The following LOXHD1 variants were observed in gnomAD, a reference collection of about 807,000 sequenced individuals.
LOXHD1 encodes lipoxygenase homology domain-containing protein 1.
A neutral mutation model predicts 248.2 loss-of-function variants in LOXHD1; 205 were observed. The observed-to-expected ratio is 0.83, with a 90% CI of 0.74 to 0.93. The LOEUF is 0.93. Among genes scored for constraint, LOXHD1 ranks in the 40% least tolerant of loss-of-function variants. LOXHD1 has a pLI of 0.00. For synonymous variants in LOXHD1, 1,113 were observed against 1,162.8 expected (o/e 0.96, Z 0.87); for missense variants, 2,930 against 2,971.6 (o/e 0.99, Z 0.33).
chr18:46,553,163 C>G (rs2037177128), intron 21 of LOXHD1, among the ~76,000 whole-genome samples: 1 of 152,230 alleles, frequency 6.6e-6, no homozygotes, highest in African/African-American at 2.4e-5. Flanking sequence ...ATTCCTGCAG[C>G]CTTTCCCAGC....
Position 46,594,493 on chromosome 18 carries a change from C to T in LOXHD1, c.1135-27G>A, listed in dbSNP as rs534339962. 2.3e-5 allele frequency: 35 copies of T among 1,550,564 alleles called. No individual in the cohort carries two copies. In the Admixed American group the frequency reaches 2.7e-4, roughly 12 times the overall value. ...TGGGGAGAGTGGAGCACAGTGTCTC[C>T]GGCATTGAGTCTCCAGTAGGGTCCT... On this transcript the variant is annotated intron_variant, in intron 8 of 40. Transcript: ENST00000642948.
In LOXHD1 at chr18:46,557,481, G is replaced by T. The variant is rs1229456411; in HGVS notation, c.3225C>A (p.Thr1075=). 6.4e-7 allele frequency: 1 copy of T among 1,551,808 alleles called. No individual in the cohort carries two copies. The highest frequency in any genetic ancestry group is 1.4e-5 in the African/African-American group (1 of 73,034). ...SNKFEQGQTD[T]FTIYAIDLGA... Reference sequence around the variant, plus strand: ...CCAGGTCAATGGCATAGATGGTGAAGGTGTCTGTCTGGGAAGGGCCAGGGA... The same window carrying T: ...CCAGGTCAATGGCATAGATGGTGAATGTGTCTGTCTGGGAAGGGCCAGGGA... Residue 1075 remains threonine (T), a synonymous_variant, in exon 21 of 41, where the codon ACC becomes ACA. Coordinates refer to ENST00000642948, the MANE Select transcript of LOXHD1 (RefSeq NM_001384474.1).
At chr18:46,482,579 C>T (rs1568069551) in intron 40 of LOXHD1, among the ~76,000 whole-genome samples, 2 of 152,216 alleles carry the variant, frequency 1.3e-5, no homozygotes. Flanking sequence ...GAGGTCAGAA[C>T]CTCTTCTGCC....
chr18:46,615,391 C>T (rs1034964605), intron 5 of LOXHD1, among the ~76,000 whole-genome samples: 3 of 152,174 alleles, frequency 2.0e-5, no homozygotes, highest in African/African-American at 7.2e-5. Context: ...ACTGTGTCCT[C>T]TAGTTTCCCC....
In LOXHD1 at chr18:46,655,632, C is replaced by T. The variant is rs566599493; in HGVS notation, c.130+1272G>A. Among the ~76,000 whole-genome samples the T allele has an allele frequency of 7.9e-5, 12 of 152,292 alleles. No individual in the cohort carries two copies. In the East Asian group the frequency reaches 2.3e-3, roughly 29 times the overall value. On this transcript the variant is annotated intron_variant, in intron 1 of 40. Transcript: ENST00000642948. ...TGGGCCCACTTCCTCCTACTACAGCCCCCCCTTCTACCCTTGGAGGTACCC... is the reference window on the plus strand; with the variant it reads ...TGGGCCCACTTCCTCCTACTACAGCTCCCCCTTCTACCCTTGGAGGTACCC...
In LOXHD1 at chr18:46,477,778, GGCATCAGT is replaced by G. The variant is rs1568061304; in HGVS notation, c.6508_6515del (p.Thr2170GlnfsTer43). ...CCCCAAAGATGGTCACGAAGACGTT[GGCATCAGT>G]GCCTGCCCCTGGCTCATAGCCTGTT... On this transcript the variant is annotated frameshift_variant, in exon 41 of 41. Transcript: ENST00000642948. LOFTEE classifies it high-confidence loss of function. 6.4e-7 allele frequency: 1 copy of G among 1,551,880 alleles called. No homozygotes were observed. Among genetic ancestry groups the G allele is most frequent in the Admixed American group, 2.0e-5 (1 of 51,016 alleles).
At chr18:46,488,889 A>C (rs2033258423) in intron 38 of LOXHD1, 83 bp downstream of exon 38, 3 of 1,440,722 alleles carry the variant, frequency 2.1e-6, no homozygotes, top group Non-Finnish European at 1.9e-6. Context: ...CTGGCACCTG[A>C]CCCCCCTCCA....
rs915005578 is a variant in LOXHD1 at position 46,488,996 on chromosome 18, T to A, written c.6025A>T (p.Ile2009Phe). 7 of 1,551,496 alleles carry A rather than the reference T, an allele frequency of 4.5e-6. No homozygotes were observed. Among genetic ancestry groups the A allele is most frequent in the African/African-American group, 1.4e-5 (1 of 73,012 alleles). Residue 2009 changes from isoleucine (I) to phenylalanine (F), a missense_variant, in exon 38 of 41, where the codon ATC becomes TTC. Transcript: ENST00000642948. ...CTGGTCTCTTCCAGCTCATCACAGATCTTGTTGTTGGCACAGGCAAAGTCG... is the reference window on the plus strand; with the variant it reads ...CTGGTCTCTTCCAGCTCATCACAGAACTTGTTGTTGGCACAGGCAAAGTCG... ...VRDFACANNK[I>F]CDELEETTYE...
intron 38 of LOXHD1, among the ~76,000 whole-genome samples, chr18:46,485,996 G>A (rs11082529): frequency 0.26 from 38,639 of 151,492 alleles, 5,541 homozygotes; most frequent in Non-Finnish European, 0.33. Context: ...CCATAGTGGC[G>A]TGGCTCACTG....
At chr18:46,617,808 T>C (rs1459374453) in intron 5 of LOXHD1, among the ~76,000 whole-genome samples, 1 of 152,160 alleles carries the variant, frequency 6.6e-6, no homozygotes, top group African/African-American at 2.4e-5. Context: ...AACTACTGCA[T>C]TGAATCAGGC....
Position 46,509,822 on chromosome 18 carries a change from G to C in LOXHD1, c.5400-7C>G, listed in dbSNP as rs376131738. ...GTTCTGCTCCCGCTCAAACCTGGGG[G>C]TGGAGAGGAGGGGCATGAAGAAGGG... On this transcript the variant is annotated splice_polypyrimidine_tract_variant and splice_region_variant and intron_variant, in intron 34 of 40. Coordinates refer to ENST00000642948, the MANE Select transcript of LOXHD1 (RefSeq NM_001384474.1). 13 of 1,531,504 alleles carry C rather than the reference G, an allele frequency of 8.5e-6. No homozygotes were observed. The African/African-American group carries it at 1.4e-4, about 16-fold the overall frequency. 94.9% of individuals were successfully genotyped at this position (1,531,504 alleles called of 1,614,324 possible). A position where few individuals can be genotyped will look rare whatever the true frequency, so the allele number is the denominator to read the frequency against.
intron 29 of LOXHD1, among the ~76,000 whole-genome samples, chr18:46,526,991 T>C (rs2035856639): frequency 6.6e-6 from 1 of 152,164 alleles, no homozygotes; most frequent in South Asian, 2.1e-4. Context: ...AGCAGTGAAC[T>C]TAAGGTCACA....
intron 33 of LOXHD1, among the ~76,000 whole-genome samples, chr18:46,518,487 T>C (rs1429878928): frequency 6.6e-6 from 1 of 152,244 alleles, no homozygotes; most frequent in East Asian, 1.9e-4. Flanking sequence ...ACAGCCCTTC[T>C]GCAATAGAAA....
intron 14 of LOXHD1, among the ~76,000 whole-genome samples, chr18:46,573,642 T>A (rs566970061): frequency 8.6e-4 from 131 of 151,658 alleles, no homozygotes; most frequent in Middle Eastern, 6.8e-3. Flanking sequence ...AGTTCAGGCA[T>A]CCCCAAACTG....
chr18:46,598,472 A>G (rs1300104432), intron 8 of LOXHD1, among the ~76,000 whole-genome samples: 1 of 151,690 alleles, frequency 6.6e-6, no homozygotes, highest in African/African-American at 2.4e-5. Context: ...GTGGTCAAAT[A>G]AACAAAAAAG....
chr18:46,614,440 A>G (rs554877603), intron 5 of LOXHD1, among the ~76,000 whole-genome samples: 46 of 152,264 alleles, frequency 3.0e-4, no homozygotes, highest in African/African-American at 1.1e-3. Flanking sequence ...GAAGCTGGAA[A>G]CCATCATTCT....
chr18:46,505,322 G>T (rs976739922), intron 37 of LOXHD1, among the ~76,000 whole-genome samples: 1 of 151,820 alleles, frequency 6.6e-6, no homozygotes, highest in Non-Finnish European at 1.5e-5. Context: ...ATGGGACCAC[G>T]GGTGCATGCC....
chr18:46,539,939 C>T (rs746728714), intron 25 of LOXHD1, among the ~76,000 whole-genome samples: 6 of 152,294 alleles, frequency 3.9e-5, no homozygotes, highest in South Asian at 4.1e-4. Flanking sequence ...CAGATGAAGA[C>T]GTTGCTTTCA....
At chr18:46,635,133 A>G (rs1394764830) in intron 4 of LOXHD1, among the ~76,000 whole-genome samples, 2 of 151,982 alleles carry the variant, frequency 1.3e-5, no homozygotes, top group Non-Finnish European at 2.9e-5. Flanking sequence ...GAGAGGACGG[A>G]ACCCTGTCTT....
Sources: allele counts gnomAD v4.1 joint callset (sites outside exome capture counted in the v4.1 genomes callset), GRCh38; gene constraint gnomAD v4.1.1; transcripts MANE v1.5; gene names NCBI Gene and HGNC (gene_info 2026-07-23, HGNC 2026-07-21).